Variants in PCLO observed in about 807,000 individuals in gnomAD.
The protein encoded by PCLO is protein piccolo.
Under a neutral mutation model 427.5 loss-of-function variants are expected in PCLO, and 82 were observed. That is an observed-to-expected ratio of 0.19 (90% CI 0.16 to 0.23). The LOEUF is 0.23. PCLO is among the 10% of genes least tolerant of loss of function. The pLI is 1.00. For synonymous variants in PCLO, 2,357 were observed against 2,155.4 expected (o/e 1.09, Z -2.59); for missense variants, 6,239 against 6,115.9 (o/e 1.02, Z -0.67).
At chr7:83,037,766 G>A (rs1443517060) in intron 3 of PCLO, among the ~76,000 whole-genome samples, 1 of 150,292 alleles carries the variant, frequency 6.7e-6, no homozygotes, top group Non-Finnish European at 1.5e-5. Context: ...TGAAAATGAT[G>A]TCACACTATT....
In PCLO at chr7:82,768,906, C is replaced by T. The variant is rs193257359; in HGVS notation, c.15008-7413G>A. Among the ~76,000 whole-genome samples, 203 of 152,132 alleles carry T rather than the reference C, an allele frequency of 1.3e-3. 1 individual carries two copies. The highest frequency in any genetic ancestry group is 3.5e-3 in the Admixed American group (54 of 15,274). On this transcript the variant is annotated intron_variant, in intron 22 of 24. Coordinates refer to ENST00000333891, the MANE Select transcript of PCLO (RefSeq NM_033026.6). ...AATTTGCATTTATAGAGAAACATTA[C>T]GATTAACAGAATACAATCATCATTT...
chr7:83,006,326 A>T (rs2115957480), intron 3 of PCLO, among the ~76,000 whole-genome samples: 1 of 151,790 alleles, frequency 6.6e-6, no homozygotes, highest in East Asian at 1.9e-4. Context: ...ATAAACAAAC[A>T]GAAAAAAATA....
At chr7:82,855,146 TAAC>T (rs1792768940) in intron 10 of PCLO, among the ~76,000 whole-genome samples, 1 of 152,154 alleles carries the variant, frequency 6.6e-6, no homozygotes, top group Non-Finnish European at 1.5e-5. Context: ...TATTAATAGT[TAAC>T]AATAAAAATA....
intron 22 of PCLO, among the ~76,000 whole-genome samples, chr7:82,797,413 T>C (rs937618376): frequency 2.0e-5 from 3 of 152,184 alleles, no homozygotes; most frequent in Non-Finnish European, 2.9e-5. Flanking sequence ...TTAAAGGATG[T>C]AATTAGATGT....
Position 82,760,121 on chromosome 7 carries a change from G to A in PCLO, c.15288+518C>T, listed in dbSNP as rs1158416687. Among the ~76,000 whole-genome samples the A allele has an allele frequency of 2.6e-5, 4 of 151,928 alleles. No individual in the cohort carries two copies. In the East Asian group the frequency reaches 5.8e-4, roughly 22 times the overall value. ...ACTTGAAAACAGTCTGTTGTGACTT[G>A]GAGTATTAAGTGAGTGGAAAAGTAT... is the stretch of plus-strand genomic sequence containing the variant. On this transcript the variant is annotated intron_variant, in intron 24 of 24. Transcript: ENST00000333891.
At chr7:82,892,647 A>C (rs541872737) in intron 9 of PCLO, among the ~76,000 whole-genome samples, 1 of 152,276 alleles carries the variant, frequency 6.6e-6, no homozygotes, top group Non-Finnish European at 1.5e-5. Flanking sequence ...GGCAACCTAC[A>C]GAATGGGAGA....
intron 10 of PCLO, among the ~76,000 whole-genome samples, chr7:82,861,350 A>C (rs1792950428): frequency 1.3e-5 from 2 of 152,034 alleles, no homozygotes; most frequent in African/African-American, 2.4e-5. Flanking sequence ...ACATGGAGTT[A>C]TTACACTTAG....
intron 3 of PCLO, among the ~76,000 whole-genome samples, chr7:83,012,910 T>C (rs1190348909): frequency 6.6e-6 from 1 of 152,110 alleles, no homozygotes; most frequent in African/African-American, 2.4e-5. Context: ...ACTTACGAGA[T>C]ACTGATGGAG....
chr7:83,032,425 CCCTT>C (rs1300473349), intron 3 of PCLO, among the ~76,000 whole-genome samples: 7 of 148,898 alleles, frequency 4.7e-5, no homozygotes, highest in Non-Finnish European at 1.0e-4. Context: ...TCCCTTCCTT[CCCTT>C]CCTTCCCTTC....
intron 10 of PCLO, among the ~76,000 whole-genome samples, chr7:82,858,771 T>G (rs1024273401): frequency 5.9e-5 from 9 of 151,928 alleles, no homozygotes; most frequent in African/African-American, 2.2e-4. Flanking sequence ...AGGTGAAAAA[T>G]CTATGCACTG....
chr7:83,156,424 A>T, intron 1 of PCLO, 32 bp from the exon 2 acceptor site: 3 of 1,271,202 alleles, frequency 2.4e-6, no homozygotes, highest in Non-Finnish European at 3.2e-6. Flanking sequence ...AAAAAAATCA[A>T]GTGAAAATAA....
At chr7:82,903,786 A>C (rs951497039) in intron 8 of PCLO, among the ~76,000 whole-genome samples, 1 of 151,922 alleles carries the variant, frequency 6.6e-6, no homozygotes, top group Admixed American at 6.6e-5. Flanking sequence ...ATGTTTAAGA[A>C]GTGTGTTCCC....
At chr7:83,110,619 A>T (rs1357088835) in intron 3 of PCLO, among the ~76,000 whole-genome samples, 1 of 152,194 alleles carries the variant, frequency 6.6e-6, no homozygotes, top group Non-Finnish European at 1.5e-5. Context: ...AACATCCAAA[A>T]TAAAAGGCTG....
At chr7:83,081,914 T>C (rs1009775314) in intron 3 of PCLO, among the ~76,000 whole-genome samples, 8 of 151,690 alleles carry the variant, frequency 5.3e-5, no homozygotes, top group African/African-American at 1.7e-4. Flanking sequence ...TGATTGTAAA[T>C]GAGTAAAAAA....
At chr7:82,859,047 GA>G (rs1223364877) in intron 10 of PCLO, among the ~76,000 whole-genome samples, 1 of 152,170 alleles carries the variant, frequency 6.6e-6, no homozygotes, top group Non-Finnish European at 1.5e-5. Flanking sequence ...GAGTGGGAAG[GA>G]TTGCGTTTGG....
chr7:82,845,239 A>C (rs775186400), intron 13 of PCLO, 32 bp downstream of exon 13: 21 of 1,445,948 alleles, frequency 1.5e-5, no homozygotes, highest in Non-Finnish European at 1.7e-5. Flanking sequence ...CTAGAAAACA[A>C]GTGGGTCAGA....
chr7:82,931,102 G>T (rs1359657796), intron 6 of PCLO, among the ~76,000 whole-genome samples: 3 of 152,010 alleles, frequency 2.0e-5, no homozygotes, highest in Non-Finnish European at 4.4e-5. Flanking sequence ...AAAAGACTAA[G>T]GATTTCAGGA....
In PCLO at chr7:82,757,270, G is replaced by A. The variant is rs181383028; in HGVS notation, c.*1305C>T. On this transcript the variant is annotated 3_prime_UTR_variant, in exon 25 of 25. Transcript: ENST00000333891. ...TAATTAATAATGCTGATAGAGAAGA[G>A]GGTGCTTCATTTTAAGACTTGGACA... The A allele has an allele frequency of 6.6e-6, 1 of 151,894 alleles. No homozygotes were observed. Among genetic ancestry groups the A allele is most frequent in the Non-Finnish European group, 1.5e-5 (1 of 67,914 alleles). The allele number at this position is 151,894 out of a possible 1,614,324, so 9.4% of individuals were successfully genotyped here.
At chr7:83,097,339 G>A (rs56209330) in intron 3 of PCLO, among the ~76,000 whole-genome samples, 1 of 134,490 alleles carries the variant, frequency 7.4e-6, no homozygotes, top group Non-Finnish European at 1.6e-5. Context: ...TGGCTAAAAC[G>A]ATGAAACCCC....
Sources: gnomAD v4.1 joint callset for allele counts (sites outside exome capture counted in the v4.1 genomes callset) on GRCh38, gnomAD v4.1.1 for gene constraint, MANE v1.5 for transcripts, NCBI Gene and HGNC (gene_info 2026-07-23, HGNC 2026-07-21) for gene names.